The following EFCAB6 variants were observed in gnomAD, a reference collection of about 807,000 sequenced individuals.
EFCAB6 encodes the protein EF-hand calcium binding domain 6, also known as EF-hand calcium-binding domain-containing protein 6.
In EFCAB6, 156 loss-of-function variants were observed where a neutral mutation model predicts 169.8. The ratio of observed to expected loss-of-function variants is 0.92; its 90% CI spans 0.81 to 1.05. The LOEUF (loss-of-function observed/expected upper bound fraction) is 1.05. Ranked by LOEUF, EFCAB6 falls within the 50% of genes least tolerant of loss-of-function variation. The pLI is 0.00. For missense variants in EFCAB6, 1,800 were observed against 1,829.1 expected (o/e 0.98, Z 0.29); for synonymous variants, 698 against 676.4 (o/e 1.03, Z -0.50).
At chr22:43,551,217 G>A (rs1478238725) in intron 27 of EFCAB6, among the ~76,000 whole-genome samples, 2 of 152,132 alleles carry the variant, frequency 1.3e-5, no homozygotes, top group African/African-American at 2.4e-5. Flanking sequence ...CAGGAAACTC[G>A]CCTTCGACCA....
intron 16 of EFCAB6, 48 bp downstream of exon 16, chr22:43,668,824 G>A (rs1307762237): frequency 2.0e-6 from 3 of 1,473,676 alleles, no homozygotes; most frequent in East Asian, 2.4e-5. Flanking sequence ...CCTATTCCAT[G>A]ACAGACACTG....
chr22:43,541,218 C>T (rs567170410), intron 27 of EFCAB6, among the ~76,000 whole-genome samples: 7 of 152,252 alleles, frequency 4.6e-5, no homozygotes, highest in Admixed American at 2.0e-4. Context: ...TGCCAGAAAC[C>T]GAGTTGCTTC....
Position 43,621,807 on chromosome 22 carries a change from G to A in EFCAB6, c.2465+4640C>T, listed in dbSNP as rs546534019. Among the ~76,000 whole-genome samples, 25 of 152,202 alleles carry A rather than the reference G, an allele frequency of 1.6e-4. No individual in the cohort carries two copies. The South Asian group carries it at 5.2e-3, about 32-fold the overall frequency. On this transcript the variant is annotated intron_variant, in intron 20 of 31. Coordinates refer to ENST00000262726, the MANE Select transcript of EFCAB6 (RefSeq NM_022785.4). ...AAGCCTTAGCTGAATTGATGAAGAA[G>A]AAAGGAGAAAAGAGATCAACTATGA...
At chr22:43,720,720 AGAG>A (rs958171989) in intron 8 of EFCAB6, among the ~76,000 whole-genome samples, 2 of 151,990 alleles carry the variant, frequency 1.3e-5, no homozygotes, top group African/African-American at 2.4e-5. Flanking sequence ...GTGGTGTAGA[AGAG>A]AAGAGAGGGG....
intron 18 of EFCAB6, 52 bp from the exon 19 acceptor site, chr22:43,632,290 CCTT>C (rs750076171): frequency 4.4e-6 from 6 of 1,361,522 alleles, no homozygotes; most frequent in South Asian, 1.4e-5. Flanking sequence ...CAGCTTCATT[CCTT>C]CTTTTTTTTT....
intron 17 of EFCAB6, among the ~76,000 whole-genome samples, chr22:43,656,161 C>A (rs5764186): frequency 0.28 from 42,725 of 151,934 alleles, 7,104 homozygotes; most frequent in East Asian, 0.63. Flanking sequence ...GAGGCCAAGG[C>A]GGGTGGATCA....
chr22:43,532,096 G>A (rs2047102735), intron 30 of EFCAB6: 1 of 152,148 alleles, frequency 6.6e-6, no homozygotes, highest in African/African-American at 2.4e-5. Flanking sequence ...CTCCTGAAAA[G>A]CCTTCAATCT....
chr22:43,677,385 CGCCTGTAATCCCAGCACTT>C (rs2057805583), intron 13 of EFCAB6, among the ~76,000 whole-genome samples: 1 of 152,136 alleles, frequency 6.6e-6, no homozygotes, highest in Non-Finnish European at 1.5e-5. Flanking sequence ...CGGTGGCTCA[CGCCTGTAATCCCAGCACTT>C]TGGGAGGCCG....
chr22:43,632,110 A>G lies in EFCAB6; in HGVS notation c.2227T>C (p.Phe743Leu), dbSNP rs2054991868. The change falls in exon 19 of 32, where the codon TTC becomes CTC. Residue 743 changes from phenylalanine to leucine, a missense_variant. Coordinates refer to ENST00000262726, the MANE Select transcript of EFCAB6 (RefSeq NM_022785.4). The part of the protein sequence containing the change: ...KLFPRRLKES[F>L]RDPYSAFFKT... ...GCCAGACAGTCACGGTTTACCCGGA[A>G]TGACTCCTTCAGCCTCCTAGGGAAA... 1 of 1,613,928 alleles carries G rather than the reference A, an allele frequency of 6.2e-7. No individual in the cohort carries two copies. Among genetic ancestry groups the G allele is most frequent in the Non-Finnish European group, 8.5e-7 (1 of 1,179,908 alleles).
At chr22:43,579,986 C>T (rs1040028580) in intron 25 of EFCAB6, among the ~76,000 whole-genome samples, 12 of 152,166 alleles carry the variant, frequency 7.9e-5, no homozygotes, top group African/African-American at 2.7e-4. Flanking sequence ...TTCCGTACAC[C>T]GTCTAAAGCA....
intron 13 of EFCAB6, among the ~76,000 whole-genome samples, chr22:43,673,608 C>T (rs1238734705): frequency 2.6e-5 from 4 of 151,962 alleles, no homozygotes; most frequent in Admixed American, 1.3e-4. Context: ...AAACCAACCC[C>T]GTCTCTACTA....
intron 4 of EFCAB6, among the ~76,000 whole-genome samples, chr22:43,768,989 C>T (rs948945067): frequency 1.3e-5 from 2 of 152,148 alleles, no homozygotes; most frequent in African/African-American, 4.8e-5. Context: ...CAGTTCTCCC[C>T]TAGGTATGTA....
At chr22:43,691,565 TAAG>T (rs1434851526) in intron 10 of EFCAB6, among the ~76,000 whole-genome samples, 1 of 152,110 alleles carries the variant, frequency 6.6e-6, no homozygotes, top group Non-Finnish European at 1.5e-5. Context: ...AAGCAAAACT[TAAG>T]AAATCTCAAA....
intron 12 of EFCAB6, among the ~76,000 whole-genome samples, chr22:43,682,085 A>G (rs1219462253): frequency 1.3e-5 from 2 of 151,486 alleles, no homozygotes; most frequent in Admixed American, 1.3e-4. Context: ...AGCCCTGCCC[A>G]CTCCTGGCTC....
chr22:43,578,277 A>G (rs1282644040), intron 25 of EFCAB6, among the ~76,000 whole-genome samples: 1 of 151,948 alleles, frequency 6.6e-6, no homozygotes, highest in African/African-American at 2.4e-5. Flanking sequence ...AGACTCATGA[A>G]CTCTCATTAG....
chr22:43,685,804 C>T (rs971255384), intron 11 of EFCAB6, among the ~76,000 whole-genome samples: 1 of 152,102 alleles, frequency 6.6e-6, no homozygotes, highest in Admixed American at 6.5e-5. Context: ...GAATATGGTT[C>T]ATCTGCTCAT....
rs1376099983 is a variant in EFCAB6, at chr22:43,698,344, A to G, written c.1032-10763T>C. ...AGAGTAAAATTCAAGATTTGTGGGG[A>G]TTTGTGTACATACACATCCCAGATT... On this transcript the variant is annotated intron_variant, in intron 10 of 31. Coordinates refer to ENST00000262726, the MANE Select transcript of EFCAB6 (RefSeq NM_022785.4). Among the ~76,000 whole-genome samples, 5 of 152,202 alleles carry G rather than the reference A, an allele frequency of 3.3e-5. No homozygotes were observed. The East Asian group carries it at 9.7e-4, about 29-fold the overall frequency.
At chr22:43,690,343 C>CAAAAAA (rs137802) in intron 10 of EFCAB6, among the ~76,000 whole-genome samples, 3 of 95,858 alleles carry the variant, frequency 3.1e-5, no homozygotes, top group African/African-American at 1.2e-4. Flanking sequence ...ACTAAAAATA[C>CAAAAAA]AAAAAAAAAA....
Position 43,572,897 on chromosome 22 carries a change from T to C in EFCAB6, c.3420+3400A>G, listed in dbSNP as rs1265949274. Among the ~76,000 whole-genome samples, 1 of 152,086 alleles carries C rather than the reference T, an allele frequency of 6.6e-6. No homozygotes were observed. The highest frequency in any genetic ancestry group is 2.4e-5 in the African/African-American group (1 of 41,398). On this transcript the variant is annotated intron_variant, in intron 26 of 31. Transcript: ENST00000262726. The surrounding 1 kb of genome is among the most constrained non-coding windows in gnomAD (Gnocchi z 4.0). ...ACACATGGGCCATAGGAAACACGTGTCATGAGAGAGTGAATGAACCCACAC... is the reference window on the plus strand; with the variant it reads ...ACACATGGGCCATAGGAAACACGTGCCATGAGAGAGTGAATGAACCCACAC...
Sources: gnomAD v4.1 joint callset for allele counts (sites outside exome capture counted in the v4.1 genomes callset) on GRCh38, gnomAD v4.1.1 for gene constraint, Gnocchi (gnomAD v3.1) non-coding constraint, MANE v1.5 for transcripts, NCBI Gene and HGNC (gene_info 2026-07-23, HGNC 2026-07-21) for gene names.